GLG1: variants seen among roughly 807,000 people sequenced by gnomAD.
GLG1 encodes the protein golgi glycoprotein 1, also known as Golgi apparatus protein 1.
GLG1 carries 38 observed loss-of-function variants against 160.5 expected under a neutral mutation model. The ratio of observed to expected loss-of-function variants is 0.24; its 90% CI spans 0.18 to 0.31. GLG1 has a LOEUF of 0.31. GLG1 is among the 10% of genes least tolerant of loss of function. GLG1 has a pLI of 1.00. For synonymous variants in GLG1, 644 were observed against 543.4 expected, an observed-to-expected ratio of 1.19 and a Z score of -2.57; for missense variants, 1,373 against 1,505.2, an observed-to-expected ratio of 0.91 and a Z score of 1.45.
chr16:74,463,576 G>C, intron 19 of GLG1, 97 bp from the exon 20 acceptor site: 1 of 1,247,188 alleles, frequency 8.0e-7, no homozygotes, highest in South Asian at 1.3e-5. Flanking sequence ...GTCTCACCGT[G>C]TCACCCAGGC....
chr16:74,527,245 CTTTTTTT>C (rs71158522), intron 2 of GLG1, among the ~76,000 whole-genome samples: 64 of 83,100 alleles, frequency 7.7e-4, no homozygotes, highest in African/African-American at 2.6e-3. Context: ...TAAGTCAGTT[CTTTTTTT>C]TTTTTTTTTT....
chr16:74,504,402 C>G (rs892835704), intron 3 of GLG1, among the ~76,000 whole-genome samples: 10 of 152,162 alleles, frequency 6.6e-5, no homozygotes, highest in African/African-American at 1.4e-4. Flanking sequence ...ATTCTCCTGC[C>G]TCAGCTTCCT....
intron 1 of GLG1, among the ~76,000 whole-genome samples, chr16:74,591,360 G>A (rs1386896943): frequency 6.7e-6 from 1 of 149,976 alleles, no homozygotes; most frequent in African/African-American, 2.5e-5. Context: ...CTGGCACGGT[G>A]GCTCACGCCT....
intron 1 of GLG1, among the ~76,000 whole-genome samples, chr16:74,604,509 A>T (rs1450423554): frequency 1.3e-5 from 2 of 152,242 alleles, no homozygotes; most frequent in Non-Finnish European, 2.9e-5. Flanking sequence ...TCATAATTCC[A>T]ATAATGGGTA....
rs117093774 is a variant in GLG1 at position 74,567,356 on chromosome 16, T to C, written c.439-35203A>G. Among the ~76,000 whole-genome samples, 1,012 of 152,258 alleles carry C rather than the reference T, an allele frequency of 6.6e-3. 4 individuals carry two copies. Among genetic ancestry groups the C allele is most frequent in the East Asian group, 0.017 (88 of 5,180 alleles). On this transcript the variant is annotated intron_variant, in intron 1 of 25. Transcript: ENST00000422840. ...TGGCTCACAATAGTTTCACTGAAAT[T>C]TGTAATGCCAGCGCTTTAGAATTTG...
intron 1 of GLG1, among the ~76,000 whole-genome samples, chr16:74,582,402 G>A (rs555846000): frequency 6.6e-6 from 1 of 152,022 alleles, no homozygotes; most frequent in African/African-American, 2.4e-5. Context: ...CTGACCTCAG[G>A]TGATCTGCCT....
At chr16:74,470,431 G>C (rs992899833) in intron 15 of GLG1, among the ~76,000 whole-genome samples, 9 of 140,770 alleles carry the variant, frequency 6.4e-5, no homozygotes, top group Non-Finnish European at 4.5e-5. Context: ...AATAAAAATA[G>C]GACATATATT....
intron 2 of GLG1, among the ~76,000 whole-genome samples, chr16:74,511,588 A>T (rs1347191178): frequency 0.016 from 2,093 of 128,288 alleles, 16 homozygotes; most frequent in Non-Finnish European, 0.028. Context: ...TTTTTTTTAA[A>T]AAAAAAAAAA....
At chr16:74,492,306 G>C (rs1251555430) in intron 7 of GLG1, among the ~76,000 whole-genome samples, 3 of 151,162 alleles carry the variant, frequency 2.0e-5, no homozygotes, top group African/African-American at 4.9e-5. Context: ...GTCGGAGGTA[G>C]CAGTGAGCTG....
intron 1 of GLG1, among the ~76,000 whole-genome samples, chr16:74,587,739 G>C (rs1216148598): frequency 2.0e-5 from 3 of 152,120 alleles, no homozygotes; most frequent in African/African-American, 4.8e-5. Flanking sequence ...TGTGGCACGT[G>C]CCTGTAGTCC....
At chr16:74,463,759 G>C (rs994757971) in intron 19 of GLG1, 16 of 379,250 alleles carry the variant, frequency 4.2e-5, no homozygotes, top group African/African-American at 2.6e-4. Context: ...TGTTTTAGCA[G>C]AGATGAGGTT....
chr16:74,602,029 CATT>C (rs1489294859), intron 1 of GLG1, among the ~76,000 whole-genome samples: 6 of 152,054 alleles, frequency 3.9e-5, no homozygotes, highest in Non-Finnish European at 7.4e-5. Context: ...TAATGATAGT[CATT>C]ATCAACAGTG....
At chr16:74,532,580 G>C (rs2017572468) in intron 1 of GLG1, among the ~76,000 whole-genome samples, 4 of 152,026 alleles carry the variant, frequency 2.6e-5, no homozygotes, top group Admixed American at 1.3e-4. Context: ...CTGCCATGCA[G>C]TGGCGCAATC....
intron 2 of GLG1, among the ~76,000 whole-genome samples, chr16:74,526,005 A>C (rs537726442): frequency 1.8e-4 from 27 of 152,362 alleles, no homozygotes; most frequent in African/African-American, 6.0e-4. Flanking sequence ...AAATAGAGAC[A>C]GAGCAAGACT....
Position 74,557,637 on chromosome 16 carries a change from C to A in GLG1, c.439-25484G>T, listed in dbSNP as rs1020810295. 2.6e-5 allele frequency among the ~76,000 whole-genome samples: 4 copies of A among 152,282 alleles called. No homozygotes were observed. In the South Asian group the frequency reaches 8.3e-4, roughly 32 times the overall value. On this transcript the variant is annotated intron_variant, in intron 1 of 25. Transcript: ENST00000422840. ...TTGAGACTGAGCAGGTAACAGGAAG[C>A]AAAGGAGGCTAAAGAACATGGTCAG...
chr16:74,599,961 G>C (rs1195506663), intron 1 of GLG1, among the ~76,000 whole-genome samples: 1 of 152,048 alleles, frequency 6.6e-6, no homozygotes, highest in Non-Finnish European at 1.5e-5. Flanking sequence ...TTGAATACAG[G>C]AGACAAAGGT....
At chr16:74,454,678 A>C (rs1216933494) in intron 25 of GLG1, among the ~76,000 whole-genome samples, 103 of 138,930 alleles carry the variant, frequency 7.4e-4, no homozygotes, top group Non-Finnish European at 1.4e-3. Flanking sequence ...AAAAAAAAAA[A>C]AAAAAAAAAA....
At position 74,503,684 on chromosome 16, in the gene GLG1, G is replaced by C. The variant is rs765755562; in HGVS notation, c.621C>G (p.His207Gln). The C allele has an allele frequency of 5.6e-6, 9 of 1,612,888 alleles. No individual in the cohort carries two copies. Among genetic ancestry groups the C allele is most frequent in the Non-Finnish European group, 6.8e-6 (8 of 1,178,994 alleles). ...ACTGATACTCAGTGATGTTGCCTCG[G>C]TGATCCACCAAGCAGGAAACCATGT... ...KGYMVSCLVD[H>Q]RGNITEYQCH... is the part of the protein sequence containing the mutation. Residue 207 changes from histidine to glutamine, a missense_variant, in exon 4 of 26, where the codon CAC (histidine) becomes CAG (glutamine). His to Gln is a conservative substitution (Grantham distance 24). Around this residue, in one of 4 missense-constraint regions of GLG1, gnomAD observed 174 missense variants for 229.9 expected, o/e 0.76. Transcript: ENST00000422840.
intron 17 of GLG1, 152 bp downstream of exon 17, chr16:74,468,794 C>T: frequency 1.6e-6 from 1 of 631,788 alleles, no homozygotes; most frequent in Non-Finnish European, 2.9e-6. Flanking sequence ...ACACAGGAAG[C>T]TAATGGTCGT....
Sources: gnomAD v4.1 joint callset for allele counts (sites outside exome capture counted in the v4.1 genomes callset) on GRCh38, gnomAD v4.1.1 for gene constraint, gnomAD v4.1.1 regional missense constraint, MANE v1.5 for transcripts, NCBI Gene and HGNC (gene_info 2026-07-23, HGNC 2026-07-21) for gene names.